The following STX18 variants were observed in gnomAD, a reference collection of about 807,000 sequenced individuals.
STX18 encodes the protein syntaxin 18.
In STX18, 40 loss-of-function variants were observed where a neutral mutation model predicts 50.1. The observed-to-expected ratio is 0.80, with a 90% CI of 0.62 to 1.04. The LOEUF (loss-of-function observed/expected upper bound fraction) is 1.04. Among genes scored for constraint, STX18 ranks in the 50% least tolerant of loss-of-function variants. STX18 has a pLI of 0.00. For missense variants in STX18, 410 were observed against 415.8 expected (o/e 0.99, Z 0.12); for synonymous variants, 158 against 151.8 (o/e 1.04, Z -0.30).
At chr4:4,464,136 C>T (rs1727509087) in intron 2 of STX18, among the ~76,000 whole-genome samples, 1 of 152,160 alleles carries the variant, frequency 6.6e-6, no homozygotes, top group African/African-American at 2.4e-5. Flanking sequence ...AAAAGATGCT[C>T]CTAATGATGT....
chr4:4,504,996 T>C (rs1031573276), intron 1 of STX18, among the ~76,000 whole-genome samples: 1 of 152,196 alleles, frequency 6.6e-6, no homozygotes, highest in African/African-American at 2.4e-5. Context: ...TATTTGAAAG[T>C]TGTGCAATCA....
chr4:4,498,044 C>T (rs1436054545), intron 1 of STX18, among the ~76,000 whole-genome samples: 4 of 152,136 alleles, frequency 2.6e-5, no homozygotes, highest in South Asian at 4.1e-4. Context: ...TGTTTTCCTT[C>T]GTACTAAAAA....
chr4:4,476,358 T>A (rs1390857073), intron 1 of STX18, among the ~76,000 whole-genome samples: 1 of 152,256 alleles, frequency 6.6e-6, no homozygotes, highest in African/African-American at 2.4e-5. Flanking sequence ...CTAGTTACTG[T>A]AAATGAGTTA....
chr4:4,538,118 AC>A (rs765471020), intron 1 of STX18, among the ~76,000 whole-genome samples: 5 of 149,732 alleles, frequency 3.3e-5, no homozygotes, highest in African/African-American at 4.9e-5. Flanking sequence ...AAAAAAAACC[AC>A]AAACAAACAA....
At chr4:4,488,168 G>C (rs1342712460) in intron 1 of STX18, among the ~76,000 whole-genome samples, 1 of 152,080 alleles carries the variant, frequency 6.6e-6, no homozygotes, top group Non-Finnish European at 1.5e-5. Context: ...CTCTCGTGAG[G>C]TGAACAGATT....
intron 6 of STX18, among the ~76,000 whole-genome samples, chr4:4,437,787 G>C (rs1308694955): frequency 6.6e-6 from 1 of 152,146 alleles, no homozygotes; most frequent in Non-Finnish European, 1.5e-5. Context: ...TCCCTACGCA[G>C]GGGTACCAGC....
intron 1 of STX18, among the ~76,000 whole-genome samples, chr4:4,494,875 C>CAG (rs377403724): frequency 6.6e-6 from 1 of 152,140 alleles, no homozygotes; most frequent in African/African-American, 2.4e-5. Flanking sequence ...GTCTAGAAAA[C>CAG]AGAGAGAGAG....
intron 6 of STX18, among the ~76,000 whole-genome samples, chr4:4,437,961 G>C (rs1221372499): frequency 6.6e-6 from 1 of 152,238 alleles, no homozygotes; most frequent in Non-Finnish European, 1.5e-5. Flanking sequence ...CGTCAATTCA[G>C]ATTTGCATTT....
At chr4:4,436,960 T>C (rs1725818497) in intron 6 of STX18, among the ~76,000 whole-genome samples, 1 of 73,042 alleles carries the variant, frequency 1.4e-5, no homozygotes, top group Admixed American at 1.2e-4. Flanking sequence ...CTTTTTTTTT[T>C]TTTTTTTTTT....
chr4:4,506,226 T>C (rs1729700426), intron 1 of STX18, among the ~76,000 whole-genome samples: 1 of 152,250 alleles, frequency 6.6e-6, no homozygotes, highest in African/African-American at 2.4e-5. Flanking sequence ...TGTATGCTCA[T>C]GCAAAAATCT....
intron 2 of STX18, among the ~76,000 whole-genome samples, chr4:4,466,232 G>T (rs1288233664): frequency 2.6e-5 from 4 of 152,222 alleles, no homozygotes; most frequent in African/African-American, 9.6e-5. Context: ...GGTCTCTCAG[G>T]ATGGAAGCAT....
chr4:4,432,066 G>A (rs1020715836), intron 7 of STX18, among the ~76,000 whole-genome samples: 1 of 152,214 alleles, frequency 6.6e-6, no homozygotes, highest in Non-Finnish European at 1.5e-5. Context: ...GCACTTTAAG[G>A]TGTTTGAGTC....
intron 1 of STX18, among the ~76,000 whole-genome samples, chr4:4,505,518 G>A (rs184717537): frequency 2.9e-4 from 44 of 152,164 alleles, no homozygotes; most frequent in Non-Finnish European, 4.3e-4. Context: ...GGTGGCTCAC[G>A]CCTGCAATCC....
chr4:4,489,464 G>A (rs577241037), intron 1 of STX18, among the ~76,000 whole-genome samples: 76 of 120,516 alleles, frequency 6.3e-4, no homozygotes, highest in Admixed American at 1.7e-3. Context: ...TGCCCAGGCT[G>A]GTCTCAGACT....
At chr4:4,422,202 A>G (rs1725004911) in intron 9 of STX18, among the ~76,000 whole-genome samples, 1 of 152,112 alleles carries the variant, frequency 6.6e-6, no homozygotes, top group South Asian at 2.1e-4. Context: ...TTCCAATGAG[A>G]GAATCAATAT....
chr4:4,439,353 TATATATACCCCCCACTCAC>T (rs1373866710), intron 5 of STX18, among the ~76,000 whole-genome samples: 1 of 139,842 alleles, frequency 7.2e-6, no homozygotes, highest in Admixed American at 7.0e-5. Flanking sequence ...ATATACTACA[TATATATACCCCCCACTCAC>T]ATATATACCC....
intron 1 of STX18, among the ~76,000 whole-genome samples, chr4:4,476,873 A>G (rs886626655): frequency 1.4e-4 from 21 of 152,220 alleles, no homozygotes; most frequent in East Asian, 3.9e-4. Flanking sequence ...ACTTTAGTAT[A>G]TATTTGAAAT....
chr4:4,423,497 C>A (rs1725072478), intron 9 of STX18, 21 bp downstream of exon 9: 2 of 1,612,024 alleles, frequency 1.2e-6, no homozygotes, highest in Non-Finnish European at 1.7e-6. Flanking sequence ...ACATACAGCT[C>A]CTTTGTTTTT....
At chr4:4,529,362 G>A (rs972626456) in intron 1 of STX18, among the ~76,000 whole-genome samples, 5 of 152,132 alleles carry the variant, frequency 3.3e-5, no homozygotes, top group Non-Finnish European at 4.4e-5. Context: ...TCAAAAAAAA[G>A]AAAGAAAAGA....
Sources: gnomAD v4.1 joint callset for allele counts (sites outside exome capture counted in the v4.1 genomes callset) on GRCh38, gnomAD v4.1.1 for gene constraint, MANE v1.5 for transcripts, NCBI Gene and HGNC (gene_info 2026-07-23, HGNC 2026-07-21) for gene names.